Variants in CLPTM1L observed in about 807,000 individuals in gnomAD.
CLPTM1L encodes the protein lipid scramblase CLPTM1L.
Under a neutral mutation model 70.9 loss-of-function variants are expected in CLPTM1L, and 38 were observed. The ratio of observed to expected loss-of-function variants is 0.54; its 90% confidence interval spans 0.41 to 0.70. The LOEUF (loss-of-function observed/expected upper bound fraction) is 0.70, where lower values mean the gene tolerates loss of function less well. Ranked by LOEUF, CLPTM1L falls within the 30% of genes least tolerant of loss-of-function variation. The probability of loss-of-function intolerance (pLI) is 0.00; values close to 1 mark genes in which losing one functional copy is unlikely to be tolerated. For missense variants in CLPTM1L, 652 were observed against 705.9 expected (o/e 0.92, Z 0.87); for synonymous variants, 339 against 299.9 (o/e 1.13, Z -1.35).
intron 7 of CLPTM1L, 98 bp downstream of exon 7, chr5:1,334,191 C>T (rs918441258): frequency 7.9e-5 from 63 of 796,558 alleles, no homozygotes; most frequent in South Asian, 5.3e-4. Flanking sequence ...CAGGGCTGGA[C>T]GGCGCCCACA....
At chr5:1,319,682 C>T (rs771340576) in intron 16 of CLPTM1L, among the ~76,000 whole-genome samples, 22 of 152,314 alleles carry the variant, frequency 1.4e-4, no homozygotes, top group South Asian at 6.2e-4. Flanking sequence ...GTGTCACAGC[C>T]GTGGTGTGTG....
chr5:1,325,825 A>G lies in CLPTM1L; in HGVS notation c.1081-9T>C, dbSNP rs770714147. On this transcript the variant is annotated splice_polypyrimidine_tract_variant and intron_variant, in intron 9 of 16. Transcript: ENST00000320895. The stretch of plus-strand genomic sequence containing the variant: ...TTCTTCACTTTCCACAGCTGAGGGG[A>G]GAAATCAGGAAATAGTTCCTTTAAT... The G allele has an allele frequency of 2.5e-6, 4 of 1,612,934 alleles. No homozygotes were observed. The highest frequency in any genetic ancestry group is 1.3e-5 in the African/African-American group (1 of 75,016).
rs764992450 is a variant in CLPTM1L, at chr5:1,344,410, C to G, written c.204G>C (p.Glu68Asp). The change falls in exon 2 of 17, where the codon GAG becomes GAC. Residue 68 changes from glutamate (E) to aspartate (D), a missense_variant. By Grantham distance (45) the Glu-to-Asp change is conservative. Coordinates refer to ENST00000320895, the MANE Select transcript of CLPTM1L (RefSeq NM_030782.5). ...CATTCAAGACCAGGTCGATGTTGTT[C>G]TCAGCACCCAGGTGGGACCTCGTCG... The part of the protein sequence containing the change: ...YTTTRSHLGA[E>D]NNIDLVLNVE... 1 of 1,613,862 alleles carries G rather than the reference C, an allele frequency of 6.2e-7. No individual in the cohort carries two copies. The highest frequency in any genetic ancestry group is 1.1e-5 in the South Asian group (1 of 91,084).
intron 7 of CLPTM1L, among the ~76,000 whole-genome samples, chr5:1,333,118 C>T (rs111467799): frequency 3.2e-5 from 1 of 30,788 alleles, no homozygotes; most frequent in Non-Finnish European, 6.3e-5. Flanking sequence ...CTACTGTAGA[C>T]ACACCGGATA....
At chr5:1,319,758 G>A (rs1051979381) in intron 16 of CLPTM1L, among the ~76,000 whole-genome samples, 2 of 152,222 alleles carry the variant, frequency 1.3e-5, no homozygotes, top group South Asian at 2.1e-4. Context: ...AAAGGACACA[G>A]CCAGGAGGCT....
chr5:1,338,099 G>T, intron 4 of CLPTM1L, 117 bp from the exon 5 acceptor site: 1 of 796,478 alleles, frequency 1.3e-6, no homozygotes, highest in Non-Finnish European at 2.1e-6. Flanking sequence ...ACCCTCAACT[G>T]CTTCTCAGTC....
chr5:1,344,484 G>T (rs1754148365), intron 1 of CLPTM1L, 33 bp from the exon 2 acceptor site: 3 of 1,582,142 alleles, frequency 1.9e-6, no homozygotes, highest in South Asian at 1.1e-5. Flanking sequence ...AGTCAGCTCG[G>T]CCAGGCCCTG....
At chr5:1,326,041 G>A (rs769965886) in intron 9 of CLPTM1L, 21 of 546,580 alleles carry the variant, frequency 3.8e-5, no homozygotes, top group Admixed American at 6.3e-5. Flanking sequence ...CACAGCCACC[G>A]CCCAGCGGAC....
At chr5:1,321,149 T>C (rs796338100) in intron 15 of CLPTM1L, among the ~76,000 whole-genome samples, 3 of 152,322 alleles carry the variant, frequency 2.0e-5, no homozygotes, top group African/African-American at 4.8e-5. Context: ...GAGCTTGTAA[T>C]TGACTTCAGA....
At chr5:1,325,064 C>G (rs1752433189) in intron 10 of CLPTM1L, 2 of 576,458 alleles carry the variant, frequency 3.5e-6, no homozygotes, top group Non-Finnish European at 6.2e-6. Context: ...GTTCCTTGCT[C>G]AGGTGGCTCA....
At chr5:1,332,565 A>G (rs1383141014) in intron 7 of CLPTM1L, among the ~76,000 whole-genome samples, 1 of 152,224 alleles carries the variant, frequency 6.6e-6, no homozygotes, top group Non-Finnish European at 1.5e-5. Flanking sequence ...CCTAACAGCC[A>G]CAAGGATGGC....
intron 16 of CLPTM1L, among the ~76,000 whole-genome samples, chr5:1,319,769 C>G (rs1475238324): frequency 6.6e-6 from 1 of 152,178 alleles, no homozygotes; most frequent in African/African-American, 2.4e-5. Flanking sequence ...CCAGGAGGCT[C>G]TGAGACACTT....
rs376231200 is a variant in CLPTM1L, at chr5:1,335,041, C to A, written c.796+16G>T. The A allele has an allele frequency of 1.2e-6, 2 of 1,603,386 alleles. No individual in the cohort carries two copies. Among genetic ancestry groups the A allele is most frequent in the African/African-American group, 2.7e-5 (2 of 74,752 alleles). On this transcript the variant is annotated intron_variant, in intron 6 of 16. Coordinates refer to ENST00000320895, the MANE Select transcript of CLPTM1L (RefSeq NM_030782.5). ...AGGGCGGCCTCACCCAGGCGCCGGC[C>A]GTGTGCGGCACATACCGAACTGCTG...
intron 9 of CLPTM1L, among the ~76,000 whole-genome samples, 196 bp downstream of exon 9, chr5:1,330,084 G>A (rs1172047251): frequency 2.0e-5 from 3 of 152,030 alleles, no homozygotes; most frequent in Non-Finnish European, 2.9e-5. Context: ...ACCCGAACAC[G>A]CATTTCCTTG....
rs140891616 is a variant in CLPTM1L, at chr5:1,341,592, G to A, written c.453+79C>T. ...CAAAGTCACTGGAGCCCTAGACATC[G>A]CCCACCTGTGTGGAGAAAGACATGT... On this transcript the variant is annotated intron_variant, in intron 3 of 16. Coordinates refer to ENST00000320895, the MANE Select transcript of CLPTM1L (RefSeq NM_030782.5). The A allele has an allele frequency of 1.2e-3, 1,521 of 1,276,562 alleles. 17 individuals are homozygous for A. In the African/African-American group the frequency reaches 0.021, roughly 18 times the overall value. 79.1% of individuals were successfully genotyped at this position (1,276,562 alleles called of 1,614,324 possible).
chr5:1,334,945 AG>A (rs1753468203), intron 6 of CLPTM1L, 111 bp downstream of exon 6: 1 of 709,118 alleles, frequency 1.4e-6, no homozygotes. Flanking sequence ...CGTCTGTGCA[AG>A]GATCTGCAGC....
chr5:1,331,968 C>G (rs371790703), intron 7 of CLPTM1L, 85 bp from the exon 8 acceptor site: 15 of 1,093,610 alleles, frequency 1.4e-5, no homozygotes, highest in South Asian at 5.2e-5. Context: ...CGTGTGTGAC[C>G]GTGAGACTGC....
chr5:1,341,423 G>A (rs1286325219), intron 3 of CLPTM1L, among the ~76,000 whole-genome samples: 1 of 152,094 alleles, frequency 6.6e-6, no homozygotes, highest in Admixed American at 6.5e-5. Flanking sequence ...ATTCCCCGAG[G>A]GACTCTGCAT....
rs150609703 is a variant in CLPTM1L, at chr5:1,318,885, G to A, written c.1533-432C>T. Among the ~76,000 whole-genome samples the A allele has an allele frequency of 8.9e-3, 1,357 of 152,312 alleles. 12 individuals carry two copies. The highest frequency in any genetic ancestry group is 0.014 in the Non-Finnish European group (928 of 68,026). On this transcript the variant is annotated intron_variant, in intron 16 of 16. Transcript: ENST00000320895. This position sits in a 1 kb window ranked among gnomAD's most constrained non-coding sequence, Gnocchi z 8.9. ...CGCCGCCTTTGATCCTGAGCGCCCC[G>A]GAGGCCTTGCCAACATCACCCCTAC...
Sources: allele counts gnomAD v4.1 joint callset (sites outside exome capture counted in the v4.1 genomes callset), GRCh38; gene constraint gnomAD v4.1.1; non-coding constraint Gnocchi (gnomAD v3.1); transcripts MANE v1.5; gene names NCBI Gene and HGNC (gene_info 2026-07-23, HGNC 2026-07-21).